The following BCL7C variants were observed in gnomAD, a reference collection of about 807,000 sequenced individuals.
BCL7C encodes BAF chromatin remodeling complex subunit BCL7C, also known as B-cell CLL/lymphoma 7 protein family member C.
BCL7C carries 8 observed loss-of-function variants against 26.2 expected under a neutral mutation model. The ratio of observed to expected loss-of-function variants is 0.30; its 90% CI spans 0.18 to 0.55. The LOEUF (loss-of-function observed/expected upper bound fraction) is 0.55. BCL7C is among the 20% of genes least tolerant of loss of function. BCL7C has a pLI of 0.93. For missense variants in BCL7C, 262 were observed against 298.5 expected (o/e 0.88, Z 0.90); for synonymous variants, 90 against 116.5 (o/e 0.77, Z 1.47).
intron 5 of BCL7C, among the ~76,000 whole-genome samples, chr16:30,867,802 A>G (rs761236987): frequency 1.1e-4 from 17 of 152,014 alleles, no homozygotes; most frequent in Non-Finnish European, 2.2e-4. Context: ...CAAAAAGAAA[A>G]AAATAAAATA....
chr16:30,863,484 C>A (rs1231833898), intron 5 of BCL7C, among the ~76,000 whole-genome samples: 1 of 152,208 alleles, frequency 6.6e-6, no homozygotes, highest in African/African-American at 2.4e-5. Flanking sequence ...AAACTCTTCT[C>A]AAGGCCCTTT....
chr16:30,893,122 C>T lies in BCL7C; in HGVS notation c.171+90G>A, dbSNP rs1450636716. ...CCGTCTGTCCTGCTGCATCTGAGGT[C>T]TCGGGGAGCTGGAGGTAGAGGTCAG... is the stretch of plus-strand genomic sequence containing the variant. On this transcript the variant is annotated intron_variant, in intron 2 of 5. Coordinates refer to ENST00000215115, the MANE Select transcript of BCL7C (RefSeq NM_004765.4). This position sits in a 1 kb window ranked among gnomAD's most constrained non-coding sequence, Gnocchi z 5.2. 6 of 1,396,904 alleles carry T rather than the reference C, an allele frequency of 4.3e-6. No individual in the cohort carries two copies. Among genetic ancestry groups the T allele is most frequent in the African/African-American group, 1.4e-5 (1 of 69,990 alleles). 86.5% of individuals were successfully genotyped at this position (1,396,904 alleles called of 1,614,324 possible).
chr16:30,848,217 G>A (rs1435683171), intron 5 of BCL7C, among the ~76,000 whole-genome samples: 1 of 152,166 alleles, frequency 6.6e-6, no homozygotes, highest in Non-Finnish European at 1.5e-5. Flanking sequence ...ATGATAGACT[G>A]CGTTTATCAT....
chr16:30,864,810 C>T (rs896602230), intron 5 of BCL7C, among the ~76,000 whole-genome samples: 4 of 151,710 alleles, frequency 2.6e-5, no homozygotes, highest in African/African-American at 7.3e-5. Context: ...TCCTGCCCCA[C>T]CCTAACTGAT....
intron 5 of BCL7C, among the ~76,000 whole-genome samples, chr16:30,874,407 A>T (rs1308301268): frequency 6.6e-6 from 1 of 152,122 alleles, no homozygotes; most frequent in Non-Finnish European, 1.5e-5. Flanking sequence ...GCTTGAGCCC[A>T]GGAGTTCCAG....
rs1409291283 is a variant in BCL7C, at chr16:30,851,386, G to A, written c.529-16238C>T. On this transcript the variant is annotated intron_variant, in intron 5 of 5. Transcript: ENST00000380317. ...CTCTCGAGTAGCTGGGATTACAGGC[G>A]CCAGCTACCATACCCAGCTAATTTT... 2.2e-5 allele frequency: 4 copies of A among 185,254 alleles called. 1 individual carries two copies. Among genetic ancestry groups the A allele is most frequent in the South Asian group, 2.3e-4 (2 of 8,850 alleles). The allele number at this position is 185,254 out of a possible 1,614,324, so 11.5% of individuals were successfully genotyped here. A position where few individuals can be genotyped will look rare whatever the true frequency, so the allele number is the denominator to read the frequency against.
intron 5 of BCL7C, among the ~76,000 whole-genome samples, chr16:30,861,090 C>T (rs2054767953): frequency 1.3e-5 from 2 of 152,098 alleles, no homozygotes; most frequent in African/African-American, 2.4e-5. Context: ...AATCAGTTAG[C>T]GTTTAGGCTC....
intron 5 of BCL7C, among the ~76,000 whole-genome samples, chr16:30,849,571 C>T (rs1369669777): frequency 1.3e-5 from 2 of 151,972 alleles, no homozygotes; most frequent in Non-Finnish European, 2.9e-5. Flanking sequence ...TGTGCCTCAG[C>T]CTCTCAAGTA....
chr16:30,877,714 C>T, intron 5 of BCL7C, among the ~76,000 whole-genome samples: 1 of 151,742 alleles, frequency 6.6e-6, no homozygotes, highest in East Asian at 2.0e-4. Context: ...GCTGGGATTA[C>T]AGGCGTGAGC....
At chr16:30,835,023 C>T (rs748583061) in exon 6 of BCL7C, 10 of 1,549,112 alleles carry the variant, frequency 6.5e-6, no homozygotes, top group Middle Eastern at 1.9e-4. Flanking sequence ...CTCTGGTGTC[C>T]GGCACCGCCA....
intron 5 of BCL7C, among the ~76,000 whole-genome samples, chr16:30,866,632 A>G (rs896217435): frequency 2.0e-5 from 3 of 152,084 alleles, no homozygotes; most frequent in African/African-American, 7.2e-5. Context: ...GAAACCCACC[A>G]AAGTTAAAGA....
intron 5 of BCL7C, among the ~76,000 whole-genome samples, chr16:30,859,415 C>T (rs953348916): frequency 2.0e-5 from 3 of 152,152 alleles, no homozygotes; most frequent in African/African-American, 7.2e-5. Context: ...GCTAGCAGTT[C>T]AAGACCAGCC....
At chr16:30,842,096 C>T (rs1371410203) in intron 5 of BCL7C, among the ~76,000 whole-genome samples, 1 of 151,970 alleles carries the variant, frequency 6.6e-6, no homozygotes, top group Non-Finnish European at 1.5e-5. Context: ...TCCCAAGGTC[C>T]GTGCAGGTTA....
At chr16:30,869,588 G>A (rs2054865547) in intron 5 of BCL7C, among the ~76,000 whole-genome samples, 1 of 149,394 alleles carries the variant, frequency 6.7e-6, no homozygotes, top group South Asian at 2.1e-4. Context: ...CAAAGCTACT[G>A]TAGCCTTGAA....
At chr16:30,874,758 T>C (rs1296100732) in intron 5 of BCL7C, among the ~76,000 whole-genome samples, 2 of 152,216 alleles carry the variant, frequency 1.3e-5, no homozygotes, top group African/African-American at 4.8e-5. Flanking sequence ...GCCACAGACC[T>C]GAGTCTTGAC....
intron 5 of BCL7C, among the ~76,000 whole-genome samples, chr16:30,869,169 G>A (rs1042189061): frequency 1.3e-5 from 2 of 152,120 alleles, no homozygotes; most frequent in South Asian, 2.1e-4. Flanking sequence ...TGTGTCACTC[G>A]GGGCCTATCG....
At chr16:30,866,881 T>A (rs570662357) in intron 5 of BCL7C, among the ~76,000 whole-genome samples, 1 of 152,062 alleles carries the variant, frequency 6.6e-6, no homozygotes, top group Admixed American at 6.6e-5. Context: ...TAATGAGATA[T>A]CTTCTCTACA....
At chr16:30,886,722 G>C (rs941632421), downstream of BCL7C, among the ~76,000 whole-genome samples, 10 of 152,186 alleles carry the variant, frequency 6.6e-5, no homozygotes, top group African/African-American at 1.2e-4. Context: ...GTCAGGGAAG[G>C]CTTCTCGGAG....
chr16:30,877,314 C>T (rs901193454), intron 5 of BCL7C, among the ~76,000 whole-genome samples: 9 of 152,140 alleles, frequency 5.9e-5, no homozygotes, highest in Middle Eastern at 3.2e-3. Flanking sequence ...TGCTCTGTCG[C>T]GCAGGTTGAA....
Sources: gnomAD v4.1 joint callset for allele counts (sites outside exome capture counted in the v4.1 genomes callset) on GRCh38, gnomAD v4.1.1 for gene constraint, Gnocchi (gnomAD v3.1) non-coding constraint, MANE v1.5 for transcripts, NCBI Gene and HGNC (gene_info 2026-07-23, HGNC 2026-07-21) for gene names.